CDCA7: variants seen among roughly 807,000 people sequenced by gnomAD.
The protein encoded by CDCA7 is cell division cycle-associated protein 7.
Under a neutral mutation model 54.0 loss-of-function variants are expected in CDCA7, and 28 were observed. That is an observed-to-expected ratio of 0.52 (90% CI 0.38 to 0.71). The LOEUF is 0.71. CDCA7 is among the 30% of genes least tolerant of loss of function. The probability of loss-of-function intolerance (pLI) is 0.00; values close to 1 mark genes in which losing one functional copy is unlikely to be tolerated. For missense variants in CDCA7, 484 were observed against 586.0 expected, an observed-to-expected ratio of 0.83 and a Z score of 1.80; for synonymous variants, 180 against 208.2, an observed-to-expected ratio of 0.86 and a Z score of 1.16.
intron 1 of CDCA7, among the ~76,000 whole-genome samples, chr2:173,358,186 C>T (rs866101535): frequency 7.7e-4 from 105 of 137,100 alleles, no homozygotes; most frequent in South Asian, 1.8e-3. Context: ...GGCGACACAG[C>T]GAGACTCCGT....
rs1220584736 is a variant in CDCA7, at chr2:173,366,667, T to C, written c.1185+235T>C. On this transcript the variant is annotated intron_variant, in intron 8 of 9. Transcript: ENST00000306721. The surrounding 1 kb of genome is among the most constrained non-coding windows in gnomAD (Gnocchi z 4.5). Reference sequence around the variant, plus strand: ...GATTCTCCTGCCTCAGCCTCCCAAGTAGCTGGGACTACAGGCACGCGCCAC... The same window carrying C: ...GATTCTCCTGCCTCAGCCTCCCAAGCAGCTGGGACTACAGGCACGCGCCAC... Among the ~76,000 whole-genome samples, 1 of 152,148 alleles carries C rather than the reference T, an allele frequency of 6.6e-6. No homozygotes were observed. Among genetic ancestry groups the C allele is most frequent in the Non-Finnish European group, 1.5e-5 (1 of 68,016 alleles).
Position 173,358,763 on chromosome 2 carries a change from T to C in CDCA7, c.73T>C (p.Leu25=), listed in dbSNP as rs146641750. ...CTTAAAGAAATTCAGATATGTGAAGTTGATTTCCATGGAAACCTCGTCATC... is the reference window on the plus strand; with the variant it reads ...CTTAAAGAAATTCAGATATGTGAAGCTGATTTCCATGGAAACCTCGTCATC... The part of the protein sequence containing the change: ...KNLKKFRYVK[L]ISMETSSSSD... Residue 25 remains leucine, a synonymous_variant, in exon 2 of 10, where the codon TTG becomes CTG. Transcript: ENST00000306721. 1.7e-5 allele frequency: 27 copies of C among 1,613,852 alleles called. No homozygotes were observed. The African/African-American group carries it at 2.3e-4, about 14-fold the overall frequency.
intron 1 of CDCA7, 39 bp downstream of exon 1, chr2:173,355,023 T>A (rs978524540): frequency 1.5e-6 from 2 of 1,359,970 alleles, no homozygotes; most frequent in Non-Finnish European, 1.9e-6. Flanking sequence ...GCGGGCGCGG[T>A]GGGTGCTGGA....
chr2:173,363,978 C>T (rs2106391125), intron 5 of CDCA7, 83 bp downstream of exon 5: 2 of 1,327,706 alleles, frequency 1.5e-6, no homozygotes, highest in Non-Finnish European at 2.1e-6. Flanking sequence ...AATCTAATTT[C>T]TTTATTTGTG....
At chr2:173,358,860 CAG>C in intron 2 of CDCA7, 23 bp downstream of exon 2, 9 of 1,605,650 alleles carry the variant, frequency 5.6e-6, no homozygotes, top group Non-Finnish European at 7.7e-6. Flanking sequence ...TGAGAATAAA[CAG>C]AATTGAGTCT....
intron 5 of CDCA7, chr2:173,364,182 T>A (rs1686674445): frequency 3.5e-6 from 1 of 284,666 alleles, no homozygotes; most frequent in African/African-American, 2.2e-5. Context: ...TTGAAAACTT[T>A]TTTCTGTTCT....
intron 3 of CDCA7, among the ~76,000 whole-genome samples, chr2:173,362,180 A>G (rs1686634303): frequency 6.6e-6 from 1 of 152,130 alleles, no homozygotes; most frequent in Non-Finnish European, 1.5e-5. Flanking sequence ...AATGATGAAA[A>G]CCTATATTAC....
At chr2:173,357,365 T>C (rs1272715635) in intron 1 of CDCA7, among the ~76,000 whole-genome samples, 1 of 152,234 alleles carries the variant, frequency 6.6e-6, no homozygotes, top group East Asian at 1.9e-4. Flanking sequence ...AAGAACTGAA[T>C]GACAGCCTCA....
chr2:173,362,106 C>T (rs1429204387), intron 3 of CDCA7, among the ~76,000 whole-genome samples: 5 of 152,170 alleles, frequency 3.3e-5, no homozygotes, highest in African/African-American at 7.2e-5. Flanking sequence ...CATGAGCTAC[C>T]GCACCCAGCC....
chr2:173,359,214 GAAA>G (rs747882390), intron 2 of CDCA7, 38 bp from the exon 3 acceptor site: 2 of 1,551,090 alleles, frequency 1.3e-6, no homozygotes, highest in Admixed American at 1.8e-5. Context: ...TCTTGAAAAA[GAAA>G]AAAAATGCAC....
In CDCA7 at chr2:173,363,831, T is replaced by C. The variant is rs1686668403; in HGVS notation, c.635T>C (p.Met212Thr). 1 of 1,614,106 alleles carries C rather than the reference T, an allele frequency of 6.2e-7. No homozygotes were observed. Among genetic ancestry groups the C allele is most frequent in the African/African-American group, 1.3e-5 (1 of 74,946 alleles). ...CTCCCTTTTTAGCTTGCAAAACTCA[T>C]GTCTGAATTAGAAAGCTTCCCTGGC... ...KQNKAMLAKL[M>T]SELESFPGSF... The change falls in exon 5 of 10, where the codon ATG becomes ACG. Residue 212 changes from methionine to threonine, a missense_variant. Coordinates refer to ENST00000306721, the MANE Select transcript of CDCA7 (RefSeq NM_031942.5).
rs1185015633 is a variant in CDCA7 at position 173,364,056 on chromosome 2, GA to G, written c.699+163del. On this transcript the variant is annotated intron_variant, in intron 5 of 9. Coordinates refer to ENST00000306721, the MANE Select transcript of CDCA7 (RefSeq NM_031942.5). ...GACAGATCTCTGGATGATCCTCCTT[GA>G]ATCCTGGGCAGTTTGGTCTCTCCTT... is the stretch of plus-strand genomic sequence containing the variant. The G allele has an allele frequency of 9.9e-6, 6 of 604,862 alleles. No homozygotes were observed. In the African/African-American group the frequency reaches 1.1e-4, roughly 11 times the overall value. 37.5% of individuals were successfully genotyped at this position (604,862 alleles called of 1,614,324 possible).
intron 8 of CDCA7, 54 bp from the exon 9 acceptor site, chr2:173,367,096 T>C: frequency 6.5e-7 from 1 of 1,531,298 alleles, no homozygotes; most frequent in East Asian, 2.3e-5. Flanking sequence ...GTAGATAAGT[T>C]GGTGGGGGAG....
intron 7 of CDCA7, 130 bp downstream of exon 7, chr2:173,365,722 A>G: frequency 9.9e-7 from 1 of 1,005,980 alleles, no homozygotes; most frequent in South Asian, 2.1e-5. Context: ...TTTTTCACAC[A>G]AGGAAGGAAA....
At position 173,361,625 on chromosome 2, in the gene CDCA7, T is replaced by C. The variant is rs185780102; in HGVS notation, c.385-1601T>C. The stretch of plus-strand genomic sequence containing the variant: ...GCCACCACACCTGGCTAATTTTTTA[T>C]ATTTTTAGTAGAGACGGGGTTTTGC... On this transcript the variant is annotated intron_variant, in intron 3 of 9. Transcript: ENST00000306721. Among the ~76,000 whole-genome samples the C allele has an allele frequency of 5.9e-5, 9 of 152,028 alleles. No homozygotes were observed. In the East Asian group the frequency reaches 1.2e-3, roughly 20 times the overall value.
intron 1 of CDCA7, among the ~76,000 whole-genome samples, chr2:173,355,388 C>T (rs1164058929): frequency 3.3e-5 from 5 of 152,226 alleles, no homozygotes; most frequent in Non-Finnish European, 7.3e-5. Flanking sequence ...CCGCACACAA[C>T]TCGGAGCCAG....
chr2:173,355,689 C>T (rs1228372904), intron 1 of CDCA7, among the ~76,000 whole-genome samples: 1 of 149,334 alleles, frequency 6.7e-6, no homozygotes, highest in Non-Finnish European at 1.5e-5. Flanking sequence ...CCCCACCCCC[C>T]AGCCTTACTC....
chr2:173,363,096 G>A, intron 3 of CDCA7, 130 bp from the exon 4 acceptor site: 1 of 864,568 alleles, frequency 1.2e-6, no homozygotes, highest in Non-Finnish European at 1.9e-6. Flanking sequence ...TCCTGATTTT[G>A]TTACCCAGAG....
At chr2:173,365,053 A>G (rs754798292) in intron 6 of CDCA7, 64 bp downstream of exon 6, 25 of 1,496,932 alleles carry the variant, frequency 1.7e-5, no homozygotes, top group Non-Finnish European at 2.2e-5. Context: ...GGCATCATAC[A>G]CAGCACAGGT....
Sources: allele counts gnomAD v4.1 joint callset (sites outside exome capture counted in the v4.1 genomes callset), GRCh38; gene constraint gnomAD v4.1.1; non-coding constraint Gnocchi (gnomAD v3.1); transcripts MANE v1.5; gene names NCBI Gene and HGNC (gene_info 2026-07-23, HGNC 2026-07-21).